Variants in ST3GAL2 observed in about 807,000 individuals in gnomAD.
ST3GAL2 encodes the protein ST3 beta-galactoside alpha-2,3-sialyltransferase 2.
In ST3GAL2, 16 loss-of-function variants were observed where a neutral mutation model predicts 37.5. That is an observed-to-expected ratio of 0.43 (90% CI 0.29 to 0.65). ST3GAL2 has a LOEUF of 0.65. ST3GAL2 is among the 30% of genes least tolerant of loss of function. The pLI is 0.17. For missense variants in ST3GAL2, 383 were observed against 487.8 expected, an observed-to-expected ratio of 0.79 and a Z score of 2.02; for synonymous variants, 238 against 202.9, an observed-to-expected ratio of 1.17 and a Z score of -1.47.
At chr16:70,437,484 A>G (rs1253498447) in intron 1 of ST3GAL2, among the ~76,000 whole-genome samples, 2 of 150,402 alleles carry the variant, frequency 1.3e-5, no homozygotes, top group Non-Finnish European at 3.0e-5. Context: ...AGAATGGATG[A>G]CTATCCCCCT....
chr16:70,397,705 G>A (rs930428020), intron 2 of ST3GAL2, among the ~76,000 whole-genome samples: 58 of 152,156 alleles, frequency 3.8e-4, no homozygotes, highest in African/African-American at 1.3e-3. Context: ...CAGCCTGGGC[G>A]ACAGAATGAG....
intron 1 of ST3GAL2, among the ~76,000 whole-genome samples, chr16:70,415,737 T>G (rs113946331): frequency 0.082 from 11,879 of 145,328 alleles, 1,578 homozygotes; most frequent in African/African-American, 0.28. Context: ...CAGGCGTTGA[T>G]CCACCGTGCC....
rs2047348646 is a variant in ST3GAL2 at position 70,376,744 on chromosome 16, A to G, written c.*4945T>C. 1 of 151,956 alleles carries G rather than the reference A, an allele frequency of 6.6e-6. No homozygotes were observed. The highest frequency in any genetic ancestry group is 6.6e-5 in the Admixed American group (1 of 15,214). The allele number at this position is 151,956 out of a possible 1,614,324, so 9.4% of individuals were successfully genotyped here. ...TTGTCTGCTGCCTGTGGATGGGTAA[A>G]ATACTTTTTTTTTTTTGAGACGGAG... is the stretch of plus-strand genomic sequence containing the variant. On this transcript the variant is annotated 3_prime_UTR_variant, in exon 7 of 7. Coordinates refer to ENST00000342907, the MANE Select transcript of ST3GAL2 (RefSeq NM_006927.4).
At chr16:70,437,024 C>A (rs528075334) in intron 1 of ST3GAL2, among the ~76,000 whole-genome samples, 2 of 152,270 alleles carry the variant, frequency 1.3e-5, no homozygotes, top group South Asian at 2.1e-4. Context: ...GGTGCCTTCT[C>A]GAGAAGAGTG....
intron 1 of ST3GAL2, 139 bp from the exon 2 acceptor site, chr16:70,399,672 T>C (rs953835504): frequency 3.2e-5 from 12 of 377,504 alleles, no homozygotes; most frequent in African/African-American, 2.3e-4. Flanking sequence ...CCAAGGGCTC[T>C]GCCCTCTAGC....
chr16:70,388,328 C>T (rs4985526), intron 4 of ST3GAL2, 39 bp downstream of exon 4: 578,933 of 1,611,930 alleles, frequency 0.36, 109,795 homozygotes, highest in Non-Finnish European at 0.39. Context: ...CAAGATGGTC[C>T]TGTCACCCAT....
intron 4 of ST3GAL2, among the ~76,000 whole-genome samples, chr16:70,387,462 C>G (rs1019208871): frequency 2.0e-5 from 3 of 151,018 alleles, no homozygotes; most frequent in South Asian, 2.1e-4. Flanking sequence ...GGCTGAGGCA[C>G]GAGAATCTCT....
chr16:70,390,292 C>G (rs1164227799), intron 3 of ST3GAL2, among the ~76,000 whole-genome samples: 1 of 152,182 alleles, frequency 6.6e-6, no homozygotes, highest in Non-Finnish European at 1.5e-5. Flanking sequence ...AGGCTGGTCT[C>G]AATCTCCTGA....
At chr16:70,428,123 C>T (rs2047763981) in intron 1 of ST3GAL2, among the ~76,000 whole-genome samples, 1 of 152,248 alleles carries the variant, frequency 6.6e-6, no homozygotes, top group African/African-American at 2.4e-5. Flanking sequence ...CTGTCCACAG[C>T]CCTGGCACCA....
Position 70,378,685 on chromosome 16 carries a change from G to C in ST3GAL2, c.*3004C>G, listed in dbSNP as rs2047370831. ...CCACTGCACTCCAGCCTGGGCGAGA[G>C]TGAGAATCAGTCTCAAAAAAAAAAA... is the stretch of plus-strand genomic sequence containing the variant. On this transcript the variant is annotated 3_prime_UTR_variant, in exon 7 of 7. Transcript: ENST00000342907. The C allele has an allele frequency of 6.8e-6, 1 of 147,500 alleles. No homozygotes were observed. Among genetic ancestry groups the C allele is most frequent in the Non-Finnish European group, 1.5e-5 (1 of 67,320 alleles). 9.1% of individuals were successfully genotyped at this position (147,500 alleles called of 1,614,324 possible). A position where few individuals can be genotyped will look rare whatever the true frequency, so the allele number is the denominator to read the frequency against.
chr16:70,422,496 G>A (rs2047721816), intron 1 of ST3GAL2, among the ~76,000 whole-genome samples: 1 of 152,182 alleles, frequency 6.6e-6, no homozygotes, highest in African/African-American at 2.4e-5. Context: ...GACAGTTCGG[G>A]AGAGAAATGG....
rs1009322980 is a variant in ST3GAL2, at chr16:70,399,445, C to G, written c.-915G>C. ...CAGGTTCTGCCCATCCCCACTCCCCCGGGGCCAGCCTATCCTGCTGTGAGC... is the reference window on the plus strand; with the variant it reads ...CAGGTTCTGCCCATCCCCACTCCCCGGGGGCCAGCCTATCCTGCTGTGAGC... On this transcript the variant is annotated 5_prime_UTR_variant, in exon 2 of 7. Transcript: ENST00000342907. 1 of 398,756 alleles carries G rather than the reference C, an allele frequency of 2.5e-6. No homozygotes were observed. The highest frequency in any genetic ancestry group is 4.4e-6 in the Non-Finnish European group (1 of 226,186). The allele number at this position is 398,756 out of a possible 1,614,324, so 24.7% of individuals were successfully genotyped here.
At position 70,380,962 on chromosome 16, in the gene ST3GAL2, G is replaced by C. The variant is rs1308018126; in HGVS notation, c.*727C>G. ...GGCTGCGGGTGAACGGGAGGGTCGAGGGCACACGTGAGTGACAGCACCTTG... is the reference window on the plus strand; with the variant it reads ...GGCTGCGGGTGAACGGGAGGGTCGACGGCACACGTGAGTGACAGCACCTTG... On this transcript the variant is annotated 3_prime_UTR_variant, in exon 7 of 7. Transcript: ENST00000342907. 1 of 153,088 alleles carries C rather than the reference G, an allele frequency of 6.5e-6. No homozygotes were observed. Among genetic ancestry groups the C allele is most frequent in the Non-Finnish European group, 1.5e-5 (1 of 68,744 alleles). 9.5% of individuals were successfully genotyped at this position (153,088 alleles called of 1,614,324 possible). A position where few individuals can be genotyped will look rare whatever the true frequency, so the allele number is the denominator to read the frequency against.
chr16:70,384,403 G>T (rs908844724), intron 4 of ST3GAL2, among the ~76,000 whole-genome samples: 2 of 152,138 alleles, frequency 1.3e-5, no homozygotes, highest in African/African-American at 2.4e-5. Context: ...CTTACATGAG[G>T]CATAAAGAAT....
At chr16:70,392,500 T>G (rs1190948640) in intron 3 of ST3GAL2, among the ~76,000 whole-genome samples, 2 of 152,208 alleles carry the variant, frequency 1.3e-5, no homozygotes, top group Admixed American at 1.3e-4. Context: ...TCCCCTTCAC[T>G]CCTGCATGTA....
intron 1 of ST3GAL2, among the ~76,000 whole-genome samples, chr16:70,411,244 G>T (rs2047636079): frequency 6.6e-6 from 1 of 152,038 alleles, no homozygotes. Flanking sequence ...AATTAGCTGG[G>T]CGTGGGGTCA....
chr16:70,423,377 G>A (rs1412951114), intron 1 of ST3GAL2, among the ~76,000 whole-genome samples: 4 of 152,188 alleles, frequency 2.6e-5, no homozygotes, highest in African/African-American at 9.7e-5. Flanking sequence ...GGGCGTGGTG[G>A]CACATGCCTG....
At chr16:70,409,346 C>T (rs953129817) in intron 1 of ST3GAL2, among the ~76,000 whole-genome samples, 8 of 151,272 alleles carry the variant, frequency 5.3e-5, no homozygotes, top group Admixed American at 2.6e-4. Context: ...CCGCCTCTGG[C>T]GGCTTTTTTT....
chr16:70,431,471 C>T (rs763148826), intron 1 of ST3GAL2, among the ~76,000 whole-genome samples: 1 of 152,176 alleles, frequency 6.6e-6, no homozygotes, highest in East Asian at 1.9e-4. Flanking sequence ...CCCAGGAGGA[C>T]GGGCCCCTTC....
Sources: allele counts gnomAD v4.1 joint callset (sites outside exome capture counted in the v4.1 genomes callset), GRCh38; gene constraint gnomAD v4.1.1; transcripts MANE v1.5; gene names NCBI Gene and HGNC (gene_info 2026-07-23, HGNC 2026-07-21).